PDE1C: variants seen among roughly 807,000 people sequenced by gnomAD.
PDE1C encodes the protein phosphodiesterase 1C.
In PDE1C, 62 loss-of-function variants were observed where a neutral mutation model predicts 93.1. That is an observed-to-expected ratio of 0.67 (90% CI 0.54 to 0.82). PDE1C has a LOEUF of 0.82. PDE1C is among the 40% of genes least tolerant of loss of function. The pLI is 0.00. For missense variants in PDE1C, 742 were observed against 884.6 expected (o/e 0.84, Z 2.04); for synonymous variants, 325 against 310.1 (o/e 1.05, Z -0.50).
rs12381404 is a variant in PDE1C at position 32,420,193 on chromosome 7, G to A, written c.310+7629C>T. Among the ~76,000 whole-genome samples, 2 of 28,058 alleles carry A rather than the reference G, an allele frequency of 7.1e-5. 1 individual carries two copies. The highest frequency in any genetic ancestry group is 1.4e-4 in the Non-Finnish European group (2 of 14,182). The allele number at this position is 28,058 out of a possible 152,430, so 18.4% of individuals were successfully genotyped here. A position where few individuals can be genotyped will look rare whatever the true frequency, so the allele number is the denominator to read the frequency against. ...TGTATATATATACACATATATATGTGTATATATATACATATATATGTATAT... is the reference window on the plus strand; with the variant it reads ...TGTATATATATACACATATATATGTATATATATATACATATATATGTATAT... On this transcript the variant is annotated intron_variant, in intron 1 of 1. Transcript: ENST00000672256.
At chr7:31,873,897 T>C (rs560516731) in intron 5 of PDE1C, among the ~76,000 whole-genome samples, 1 of 152,302 alleles carries the variant, frequency 6.6e-6, no homozygotes, top group South Asian at 2.1e-4. Flanking sequence ...CTACGATGCT[T>C]CTCTTCTCTG....
chr7:31,874,078 A>G (rs1180114725), intron 5 of PDE1C, among the ~76,000 whole-genome samples: 1 of 152,226 alleles, frequency 6.6e-6, no homozygotes, highest in East Asian at 1.9e-4. Context: ...TTCATTTCAT[A>G]TGACAGAAAA....
intron 15 of PDE1C, among the ~76,000 whole-genome samples, chr7:31,811,017 G>A (rs563714476): frequency 1.3e-5 from 2 of 152,156 alleles, no homozygotes; most frequent in Admixed American, 6.5e-5. Context: ...GGGATGGACC[G>A]TGATATGGTT....
chr7:31,847,774 C>T, intron 9 of PDE1C, 194 bp downstream of exon 9: 1 of 555,172 alleles, frequency 1.8e-6, no homozygotes, highest in Non-Finnish European at 3.2e-6. Context: ...ATTTGAATAT[C>T]TGTATAAAGA....
intron 3 of PDE1C, among the ~76,000 whole-genome samples, chr7:32,152,833 A>G (rs1801339792): frequency 6.6e-6 from 1 of 152,240 alleles, no homozygotes; most frequent in African/African-American, 2.4e-5. Context: ...GATCCATGAA[A>G]AAATTAGGAC....
the PDE1C span, among the ~76,000 whole-genome samples, chr7:31,668,871 C>G: frequency 6.6e-6 from 1 of 152,006 alleles, no homozygotes. Context: ...GATCAACATG[C>G]AAATACCTGA....
intron 2 of PDE1C, among the ~76,000 whole-genome samples, chr7:31,921,663 G>C (rs1802637024): frequency 6.6e-6 from 1 of 152,190 alleles, no homozygotes; most frequent in Non-Finnish European, 1.5e-5. Flanking sequence ...GGAATAGAGA[G>C]AGAGAAGTTG....
chr7:32,048,822 C>T (rs963372979), intron 2 of PDE1C, among the ~76,000 whole-genome samples: 4 of 152,162 alleles, frequency 2.6e-5, no homozygotes, highest in Non-Finnish European at 5.9e-5. Flanking sequence ...AACTGATCCT[C>T]TATTAATTCA....
intron 3 of PDE1C, among the ~76,000 whole-genome samples, chr7:32,089,845 T>A (rs1797364399): frequency 6.6e-6 from 1 of 152,334 alleles, no homozygotes; most frequent in Admixed American, 6.5e-5. Context: ...GGAAACTCTC[T>A]ATCACCACAA....
intron 11 of PDE1C, among the ~76,000 whole-genome samples, chr7:31,828,740 G>A (rs925916284): frequency 1.3e-5 from 2 of 152,144 alleles, no homozygotes; most frequent in African/African-American, 4.8e-5. Context: ...TGTGGCCATT[G>A]TTTAGCTAAT....
At chr7:32,114,444 T>G (rs1267595598) in intron 3 of PDE1C, among the ~76,000 whole-genome samples, 1 of 152,172 alleles carries the variant, frequency 6.6e-6, no homozygotes, top group Non-Finnish European at 1.5e-5. Context: ...ACTGGACCCC[T>G]TCCTTACACC....
Position 31,880,808 on chromosome 7 carries a change from G to T in PDE1C, c.181C>A (p.Leu61Ile). ...GCTGCATATTCCAAATTCTTCTTAA[G>T]ATCTACCACTGAAGCTTCCCCTCTC... Reference protein sequence around the residue: ...LERGEASVVDLKKNLEYAATV... With the variant: ...LERGEASVVDIKKNLEYAATV... Residue 61 changes from leucine (L) to isoleucine (I), a missense_variant, in exon 3 of 18, where the codon CTT becomes ATT. This residue lies in a region of PDE1C where 74 missense variants were observed against 88.2 expected (regional missense o/e 0.84). Transcript: ENST00000396191. 1 of 1,612,196 alleles carries T rather than the reference G, an allele frequency of 6.2e-7. No individual in the cohort carries two copies. The highest frequency in any genetic ancestry group is 8.5e-7 in the Non-Finnish European group (1 of 1,178,456).
chr7:32,364,669 C>A (rs1784195975), intron 1 of PDE1C, among the ~76,000 whole-genome samples: 1 of 152,246 alleles, frequency 6.6e-6, no homozygotes, highest in Non-Finnish European at 1.5e-5. Context: ...GTGCACTCCC[C>A]ACCCACTACT....
At chr7:32,032,682 G>GGGCT (rs1790498122) in intron 2 of PDE1C, among the ~76,000 whole-genome samples, 1 of 152,010 alleles carries the variant, frequency 6.6e-6, no homozygotes, top group Admixed American at 6.6e-5. Context: ...ATGAAAATGA[G>GGGCT]GGCTGTGCAC....
At chr7:32,082,014 G>A (rs1289704008) in intron 3 of PDE1C, among the ~76,000 whole-genome samples, 2 of 152,194 alleles carry the variant, frequency 1.3e-5, no homozygotes, top group Admixed American at 6.5e-5. Flanking sequence ...GTGGGTGCAG[G>A]ACAGTGGGTG....
Position 31,875,000 on chromosome 7 carries a change from C to T in PDE1C, c.493-1592G>A, listed in dbSNP as rs114259838. On this transcript the variant is annotated intron_variant, in intron 5 of 17. Transcript: ENST00000396191. ...TGCCAACAGATGAAATTGTAAATGC[C>T]ATGAATATGTGCTGTGACCCAGGCC... Among the ~76,000 whole-genome samples the T allele has an allele frequency of 1.6e-3, 244 of 152,298 alleles. 1 individual carries two copies. Among genetic ancestry groups the T allele is most frequent in the African/African-American group, 5.7e-3 (238 of 41,564 alleles).
intron 16 of PDE1C, among the ~76,000 whole-genome samples, chr7:31,796,881 G>A (rs953932575): frequency 1.3e-5 from 2 of 151,796 alleles, no homozygotes; most frequent in East Asian, 3.9e-4. Flanking sequence ...ACCTTTTAGG[G>A]TTTAATTAGT....
intron 2 of PDE1C, among the ~76,000 whole-genome samples, chr7:31,883,459 A>T (rs1350785423): frequency 6.6e-6 from 1 of 152,250 alleles, no homozygotes; most frequent in African/African-American, 2.4e-5. Context: ...ACAACTAAAC[A>T]TGAAAATGAG....
chr7:32,389,418 T>C (rs533466615), intron 1 of PDE1C, among the ~76,000 whole-genome samples: 2 of 152,300 alleles, frequency 1.3e-5, no homozygotes, highest in South Asian at 4.1e-4. Context: ...GGTTTCACCA[T>C]GTTGGCCAGG....
Sources: allele counts gnomAD v4.1 joint callset (sites outside exome capture counted in the v4.1 genomes callset), GRCh38; gene constraint gnomAD v4.1.1; regional missense constraint gnomAD v4.1.1; transcripts MANE v1.5; gene names NCBI Gene and HGNC (gene_info 2026-07-23, HGNC 2026-07-21).